The following KIF26B variants were observed in gnomAD, a reference collection of about 807,000 sequenced individuals.
KIF26B encodes kinesin family member 26B.
In KIF26B, 63 loss-of-function variants were observed where a neutral mutation model predicts 151.2. The ratio of observed to expected loss-of-function variants is 0.42; its 90% CI spans 0.34 to 0.51. The LOEUF is 0.51. KIF26B is among the 20% of genes least tolerant of loss of function. The probability of loss-of-function intolerance (pLI) is 0.07; values close to 1 mark genes in which losing one functional copy is unlikely to be tolerated. For missense variants in KIF26B, 2,813 were observed against 2,913.6 expected (o/e 0.97, Z 0.79); for synonymous variants, 1,357 against 1,262.1 (o/e 1.08, Z -1.59).
chr1:245,337,518 ATGTGTGTGTGTGTGTGTGTG>A (rs74163041), intron 2 of KIF26B, among the ~76,000 whole-genome samples: 1 of 145,448 alleles, frequency 6.9e-6, no homozygotes, highest in African/African-American at 2.5e-5. Flanking sequence ...TACTTAGGAA[ATGTGTGTGTGTGTGTGTGTG>A]TGTGTGTGTG....
rs113890095 is a variant in KIF26B at position 245,444,865 on chromosome 1, G to A, written c.1166+25120G>A. Among the ~76,000 whole-genome samples the A allele has an allele frequency of 2.9e-3, 439 of 152,228 alleles. 2 individuals are homozygous for A. Among genetic ancestry groups the A allele is most frequent in the African/African-American group, 9.8e-3 (408 of 41,530 alleles). ...AAGTGCCACAGATTCCAAAATCCAC[G>A]TGTGTCTTTCTTCGAAACCAATAGC... On this transcript the variant is annotated intron_variant, in intron 4 of 14. Coordinates refer to ENST00000407071, the MANE Select transcript of KIF26B (RefSeq NM_018012.4).
chr1:245,487,394 A>G (rs962048485), intron 4 of KIF26B, among the ~76,000 whole-genome samples: 5 of 152,154 alleles, frequency 3.3e-5, no homozygotes, highest in African/African-American at 9.7e-5. Flanking sequence ...ACAGCAGAGT[A>G]GGCAACCAAG....
At chr1:245,528,916 A>G (rs1234443861) in intron 4 of KIF26B, among the ~76,000 whole-genome samples, 2 of 152,182 alleles carry the variant, frequency 1.3e-5, no homozygotes, top group Admixed American at 6.5e-5. Context: ...CTGACTTACT[A>G]GGTTTGCTGG....
intron 2 of KIF26B, among the ~76,000 whole-genome samples, chr1:245,232,026 A>C (rs1213232365): frequency 2.0e-5 from 3 of 152,268 alleles, no homozygotes; most frequent in Non-Finnish European, 4.4e-5. Flanking sequence ...AATTTGTCAA[A>C]ATAACTGGTG....
intron 2 of KIF26B, among the ~76,000 whole-genome samples, chr1:245,266,382 C>T (rs1670746685): frequency 6.6e-6 from 1 of 152,316 alleles, no homozygotes; most frequent in Non-Finnish European, 1.5e-5. Flanking sequence ...GCAATTTATT[C>T]TTACCTCTAT....
At chr1:245,183,126 T>A (rs1210344294) in intron 2 of KIF26B, among the ~76,000 whole-genome samples, 1 of 152,248 alleles carries the variant, frequency 6.6e-6, no homozygotes, top group East Asian at 1.9e-4. Flanking sequence ...AAACATTTAT[T>A]CAACCTTTTG....
intron 4 of KIF26B, among the ~76,000 whole-genome samples, chr1:245,475,390 G>T (rs947064905): frequency 6.6e-6 from 1 of 151,740 alleles, no homozygotes; most frequent in East Asian, 1.9e-4. Flanking sequence ...GGGTTCCATT[G>T]TTTACAATGG....
chr1:245,641,186 A>C (rs548469451), intron 9 of KIF26B, among the ~76,000 whole-genome samples: 11 of 152,222 alleles, frequency 7.2e-5, no homozygotes, highest in African/African-American at 2.4e-4. Context: ...TTCTGCTGAG[A>C]AGTCTGCTGC....
chr1:245,347,183 A>G (rs1392212372), intron 2 of KIF26B, among the ~76,000 whole-genome samples: 5 of 152,024 alleles, frequency 3.3e-5, no homozygotes, highest in East Asian at 3.9e-4. Context: ...CTGTATCATC[A>G]TTTCTTCTCT....
chr1:245,344,865 T>G (rs1331281155), intron 2 of KIF26B, among the ~76,000 whole-genome samples: 1 of 152,086 alleles, frequency 6.6e-6, no homozygotes, highest in East Asian at 1.9e-4. Flanking sequence ...TTTTTCGGAC[T>G]GATCTACGTT....
At chr1:245,634,631 G>T (rs4284284) in intron 9 of KIF26B, among the ~76,000 whole-genome samples, 2,529 of 152,186 alleles carry the variant, frequency 0.017, 31 homozygotes, top group South Asian at 0.052. Flanking sequence ...ATATTGATTA[G>T]GTTTTTTTTG....
rs550533704 is a variant in KIF26B, at chr1:245,450,132, T to A, written c.1166+30387T>A. 2.6e-5 allele frequency among the ~76,000 whole-genome samples: 4 copies of A among 152,334 alleles called. No homozygotes were observed. The South Asian group carries it at 8.3e-4, about 32-fold the overall frequency. On this transcript the variant is annotated intron_variant, in intron 4 of 14. Coordinates refer to ENST00000407071, the MANE Select transcript of KIF26B (RefSeq NM_018012.4). ...ACCCGTGGTGAGTTTGCTTGTTCTCTTTCCGTTGGCCCACTTGCAGCAACC... is the reference window on the plus strand; with the variant it reads ...ACCCGTGGTGAGTTTGCTTGTTCTCATTCCGTTGGCCCACTTGCAGCAACC...
chr1:245,224,261 G>A (rs1375355544), intron 2 of KIF26B, among the ~76,000 whole-genome samples: 3 of 150,406 alleles, frequency 2.0e-5, no homozygotes, highest in Non-Finnish European at 3.0e-5. Flanking sequence ...CTCCAGCCTG[G>A]GCAACAAGAG....
chr1:245,404,481 C>T (rs1197363586), intron 3 of KIF26B, among the ~76,000 whole-genome samples: 1 of 152,080 alleles, frequency 6.6e-6, no homozygotes, highest in African/African-American at 2.4e-5. Flanking sequence ...CGGGGAATCT[C>T]GTTAGATATC....
At chr1:245,433,985 A>AT (rs888446449) in intron 4 of KIF26B, among the ~76,000 whole-genome samples, 54 of 151,058 alleles carry the variant, frequency 3.6e-4, no homozygotes, top group African/African-American at 9.7e-4. Flanking sequence ...AGCCACTTTG[A>AT]TTTTTTTTTT....
chr1:245,626,258 G>C (rs1463540873), intron 9 of KIF26B, among the ~76,000 whole-genome samples: 1 of 152,162 alleles, frequency 6.6e-6, no homozygotes, highest in Non-Finnish European at 1.5e-5. Flanking sequence ...TAGTGGGATT[G>C]CTAGATCATA....
rs1040691777 is a variant in KIF26B, at chr1:245,166,030, C to G, written c.465+9347C>G. Among the ~76,000 whole-genome samples, 1 of 152,152 alleles carries G rather than the reference C, an allele frequency of 6.6e-6. No individual in the cohort carries two copies. Among genetic ancestry groups the G allele is most frequent in the Non-Finnish European group, 1.5e-5 (1 of 68,030 alleles). ...TGAAGAACTACAATCAACAGACTTG[C>G]GTGCAAAACCAGGCTCCGTCACTTA... On this transcript the variant is annotated intron_variant, in intron 2 of 14. Coordinates refer to ENST00000407071, the MANE Select transcript of KIF26B (RefSeq NM_018012.4). The surrounding 1 kb of genome is among the most constrained non-coding windows in gnomAD (Gnocchi z 4.5).
At chr1:245,356,650 T>C (rs950794508) in intron 2 of KIF26B, among the ~76,000 whole-genome samples, 1 of 152,240 alleles carries the variant, frequency 6.6e-6, no homozygotes, top group Admixed American at 6.5e-5. Context: ...GAGTCATTGA[T>C]TGATTCGACA....
intron 4 of KIF26B, among the ~76,000 whole-genome samples, chr1:245,491,642 T>C (rs1660411525): frequency 6.6e-6 from 1 of 152,210 alleles, no homozygotes; most frequent in African/African-American, 2.4e-5. Flanking sequence ...GTGCAGTGTC[T>C]CACGCCTATC....
Sources: gnomAD v4.1 joint callset for allele counts (sites outside exome capture counted in the v4.1 genomes callset) on GRCh38, gnomAD v4.1.1 for gene constraint, Gnocchi (gnomAD v3.1) non-coding constraint, MANE v1.5 for transcripts, NCBI Gene and HGNC (gene_info 2026-07-23, HGNC 2026-07-21) for gene names.